Variants in NGFR observed in about 807,000 individuals in gnomAD.
NGFR encodes nerve growth factor receptor, also known as tumor necrosis factor receptor superfamily member 16.
In NGFR, 30 loss-of-function variants were observed where a neutral mutation model predicts 43.2. The observed-to-expected ratio is 0.69, with a 90% CI of 0.52 to 0.94. The LOEUF is 0.94. Ranked by LOEUF, NGFR falls within the 40% of genes least tolerant of loss-of-function variation. The probability of loss-of-function intolerance (pLI) is 0.00; values close to 1 mark genes in which losing one functional copy is unlikely to be tolerated. For synonymous variants in NGFR, 246 were observed against 259.6 expected, an observed-to-expected ratio of 0.95 and a Z score of 0.50; for missense variants, 529 against 602.5, an observed-to-expected ratio of 0.88 and a Z score of 1.28.
In NGFR at chr17:49,512,203, A is replaced by T. The variant is rs1597864998; in HGVS notation, c.982+151A>T. 3 of 995,584 alleles carry T rather than the reference A, an allele frequency of 3.0e-6. No homozygotes were observed. The highest frequency in any genetic ancestry group is 2.9e-5 in the Admixed American group (1 of 34,608). The allele number at this position is 995,584 out of a possible 1,614,324, so 61.7% of individuals were successfully genotyped here. ...TGGATGGAGAGGCTGGCCGAGGGGA[A>T]TGGGAGGGAGAGGTCCTCTCTAGAG... On this transcript the variant is annotated intron_variant, in intron 5 of 5. Transcript: ENST00000172229. This position sits in a 1 kb window ranked among gnomAD's most constrained non-coding sequence, Gnocchi z 5.2.
intron 2 of NGFR, among the ~76,000 whole-genome samples, chr17:49,504,769 C>CTTTTTTTTTTT (rs67010321): frequency 2.7e-5 from 3 of 110,932 alleles, no homozygotes; most frequent in Non-Finnish European, 5.7e-5. Flanking sequence ...TTCTTTCTTT[C>CTTTTTTTTTTT]TTTTTTTTTT....
At chr17:49,502,613 G>C (rs1454557477) in intron 2 of NGFR, among the ~76,000 whole-genome samples, 1 of 152,174 alleles carries the variant, frequency 6.6e-6, no homozygotes, top group Non-Finnish European at 1.5e-5. Context: ...ATCAAATCCT[G>C]GCTGCCCTGA....
rs750039401 is a variant in NGFR, at chr17:49,512,924, C to T, written c.1199C>T (p.Ala400Val). 6.2e-7 allele frequency: 1 copy of T among 1,612,076 alleles called. No homozygotes were observed. The highest frequency in any genetic ancestry group is 1.7e-5 in the Admixed American group (1 of 59,932). Residue 400 changes from alanine to valine, a missense_variant, in exon 6 of 6, where the codon GCC becomes GTC. Physicochemically the swap from Ala to Val is moderately conservative, Grantham distance 64 (BLOSUM62 0). Coordinates refer to ENST00000172229, the MANE Select transcript of NGFR (RefSeq NM_002507.4). This position sits in a 1 kb window ranked among gnomAD's most constrained non-coding sequence, Gnocchi z 5.2. The part of the protein sequence containing the change: ...WATQDSATLD[A>V]LLAALRRIQR... Reference sequence around the variant, plus strand: ...ACCCAGGACAGCGCCACACTGGACGCCCTCCTGGCCGCCCTGCGCCGCATC... The same window carrying T: ...ACCCAGGACAGCGCCACACTGGACGTCCTCCTGGCCGCCCTGCGCCGCATC...
At chr17:49,510,838 G>A (rs767128862) in intron 4 of NGFR, 174 bp downstream of exon 4, 3 of 754,602 alleles carry the variant, frequency 4.0e-6, no homozygotes, top group East Asian at 5.4e-5. Context: ...CAGGAGGTGA[G>A]GGGAGAGGAT....
At chr17:49,497,240 C>T (rs1050650250) in intron 1 of NGFR, 28 of 152,316 alleles carry the variant, frequency 1.8e-4, no homozygotes, top group African/African-American at 6.5e-4. Context: ...GAGATTCTGT[C>T]CGGGTGCGGG....
Position 49,513,077 on chromosome 17 carries a change from G to A in NGFR, c.*68G>A. Reference sequence around the variant, plus strand: ...CGATGCTCCAGCCAACCCCTGTGGAGCCCGCACCCCCACCCTTTGGGGGGG... The same window carrying A: ...CGATGCTCCAGCCAACCCCTGTGGAACCCGCACCCCCACCCTTTGGGGGGG... On this transcript the variant is annotated 3_prime_UTR_variant, in exon 6 of 6. Coordinates refer to ENST00000172229, the MANE Select transcript of NGFR (RefSeq NM_002507.4). 2 of 1,428,524 alleles carry A rather than the reference G, an allele frequency of 1.4e-6. No homozygotes were observed. The highest frequency in any genetic ancestry group is 1.8e-6 in the Non-Finnish European group (2 of 1,085,886). The allele number at this position is 1,428,524 out of a possible 1,614,324, so 88.5% of individuals were successfully genotyped here.
intron 2 of NGFR, 125 bp downstream of exon 2, chr17:49,502,329 T>C: frequency 9.2e-7 from 1 of 1,085,512 alleles, no homozygotes; most frequent in Non-Finnish European, 1.3e-6. Context: ...TGTAAGGTCA[T>C]CAGAAGTGGG....
At chr17:49,501,999 A>AGGCGCCC in intron 1 of NGFR, 64 bp from the exon 2 acceptor site, 1 of 330,984 alleles carries the variant, frequency 3.0e-6, no homozygotes, top group Non-Finnish European at 5.9e-6. Flanking sequence ...TCCCCGGAAG[A>AGGCGCCC]ACCCCCCCCA....
intron 1 of NGFR, among the ~76,000 whole-genome samples, chr17:49,501,243 G>A (rs866505325): frequency 6.6e-6 from 1 of 152,210 alleles, no homozygotes; most frequent in Non-Finnish European, 1.5e-5. Context: ...GGGAGGGGGA[G>A]GACTGGTGGC....
chr17:49,506,075 G>A (rs1567739465), intron 2 of NGFR: 4 of 821,818 alleles, frequency 4.9e-6, no homozygotes, highest in Non-Finnish European at 7.0e-6. Context: ...TGCTTCTGGA[G>A]CCTGGAGGAT....
intron 1 of NGFR, 63 bp from the exon 2 acceptor site, chr17:49,502,000 A>ACCCCCCCCCCCC (rs11466133): frequency 1.1e-5 from 3 of 268,284 alleles, no homozygotes; most frequent in Non-Finnish European, 7.8e-6. Context: ...CCCCGGAAGA[A>ACCCCCCCCCCCC]CCCCCCCCAA....
At chr17:49,498,353 A>G (rs1567737447) in intron 1 of NGFR, among the ~76,000 whole-genome samples, 1 of 152,186 alleles carries the variant, frequency 6.6e-6, no homozygotes, top group Non-Finnish European at 1.5e-5. Context: ...ATCTTGGGTA[A>G]TTAGCTCCTT....
chr17:49,502,083 G>T lies in NGFR; in HGVS notation c.87G>T (p.Lys29Asn). 6.8e-7 allele frequency: 1 copy of T among 1,475,292 alleles called. No individual in the cohort carries two copies. The allele number at this position is 1,475,292 out of a possible 1,614,324, so 91.4% of individuals were successfully genotyped here. Reference protein sequence around the residue: ...LLLGVSLGGAKEACPTGLYTH... With the variant: ...LLLGVSLGGANEACPTGLYTH... ...TCCAGGTGTCCCTTGGAGGTGCCAA[G>T]GAGGCATGCCCCACAGGCCTGTACA... is the stretch of plus-strand genomic sequence containing the variant. Residue 29 changes from lysine to asparagine, a missense_variant, in exon 2 of 6, where the codon AAG becomes AAT. Coordinates refer to ENST00000172229, the MANE Select transcript of NGFR (RefSeq NM_002507.4).
intron 2 of NGFR, 40 bp from the exon 3 acceptor site, chr17:49,506,259 A>C (rs929348290): frequency 2.2e-5 from 34 of 1,513,604 alleles, no homozygotes; most frequent in Non-Finnish European, 2.7e-5. Flanking sequence ...CCGGGTGCCC[A>C]AAAGAGCAGA....
chr17:49,511,881 T>C lies in NGFR; in HGVS notation c.822-11T>C. Reference sequence around the variant, plus strand: ...TCGCCCCCTGAAACCTGGCCTGTCCTCTGGCTCCAGGTGGAACAGCTGCAA... The same window carrying C: ...TCGCCCCCTGAAACCTGGCCTGTCCCCTGGCTCCAGGTGGAACAGCTGCAA... On this transcript the variant is annotated splice_polypyrimidine_tract_variant and intron_variant, in intron 4 of 5. Transcript: ENST00000172229. The C allele has an allele frequency of 6.3e-7, 1 of 1,596,074 alleles. No homozygotes were observed. Among genetic ancestry groups the C allele is most frequent in the Non-Finnish European group, 8.5e-7 (1 of 1,170,752 alleles).
intron 1 of NGFR, among the ~76,000 whole-genome samples, chr17:49,500,501 G>A (rs1397376414): frequency 1.3e-5 from 2 of 152,224 alleles, no homozygotes; most frequent in South Asian, 2.1e-4. Context: ...CCGGAGAACA[G>A]GCTGGATGCG....
chr17:49,511,366 A>C (rs1407604952), intron 4 of NGFR, among the ~76,000 whole-genome samples: 1 of 152,220 alleles, frequency 6.6e-6, no homozygotes, highest in Non-Finnish European at 1.5e-5. Context: ...CAGTGAGATC[A>C]CATTGTACAT....
chr17:49,504,296 A>G (rs569306919), intron 2 of NGFR, among the ~76,000 whole-genome samples: 5 of 152,156 alleles, frequency 3.3e-5, no homozygotes, highest in African/African-American at 1.2e-4. Flanking sequence ...GTGTGACTAG[A>G]CTTACCCTCC....
Position 49,514,845 on chromosome 17 carries a change from A to G in NGFR, c.*1836A>G, listed in dbSNP as rs1318454201. 1 of 150,300 alleles carries G rather than the reference A, an allele frequency of 6.7e-6. No homozygotes were observed. Among genetic ancestry groups the G allele is most frequent in the Non-Finnish European group, 1.5e-5 (1 of 67,520 alleles). The allele number at this position is 150,300 out of a possible 1,614,324, so 9.3% of individuals were successfully genotyped here. A position where few individuals can be genotyped will look rare whatever the true frequency, so the allele number is the denominator to read the frequency against. ...CCCTTTTTACTCCCCTTGAGCTGAG[A>G]TGGAACCCTTTTGGCCCCCGAGCTG... On this transcript the variant is annotated 3_prime_UTR_variant, in exon 6 of 6. Transcript: ENST00000172229.
Sources: allele counts gnomAD v4.1 joint callset (sites outside exome capture counted in the v4.1 genomes callset), GRCh38; gene constraint gnomAD v4.1.1; non-coding constraint Gnocchi (gnomAD v3.1); transcripts MANE v1.5; gene names NCBI Gene and HGNC (gene_info 2026-07-23, HGNC 2026-07-21).